The following RPF2 variants were observed in gnomAD, a reference collection of about 807,000 sequenced individuals.
The protein encoded by RPF2 is brix domain containing 1.
A neutral mutation model predicts 38.9 loss-of-function variants in RPF2; 21 were observed. The observed-to-expected ratio is 0.54, with a 90% CI of 0.38 to 0.78. The LOEUF (loss-of-function observed/expected upper bound fraction) is 0.78. RPF2 is among the 30% of genes least tolerant of loss of function. RPF2 has a pLI of 0.00. For missense variants in RPF2, 314 were observed against 358.1 expected, an observed-to-expected ratio of 0.88 and a Z score of 0.99; for synonymous variants, 121 against 126.2, an observed-to-expected ratio of 0.96 and a Z score of 0.28.
rs1408002217 is a variant in RPF2, at chr6:111,028,182, G to C, written c.*2600G>C. 1 of 150,024 alleles carries C rather than the reference G, an allele frequency of 6.7e-6. No individual in the cohort carries two copies. Among genetic ancestry groups the C allele is most frequent in the African/African-American group, 2.5e-5 (1 of 40,696 alleles). The allele number at this position is 150,024 out of a possible 1,614,324, so 9.3% of individuals were successfully genotyped here. On this transcript the variant is annotated 3_prime_UTR_variant, in exon 10 of 10. Coordinates refer to ENST00000441448, the MANE Select transcript of RPF2 (RefSeq NM_032194.3). Reference sequence around the variant, plus strand: ...AAAATTAAGTGCTGTTTGTTTTCTTGGTTATTGAACATAATCCAAAGTAGA... The same window carrying C: ...AAAATTAAGTGCTGTTTGTTTTCTTCGTTATTGAACATAATCCAAAGTAGA...
At chr6:110,994,732 T>C (rs1349629929) in intron 4 of RPF2, among the ~76,000 whole-genome samples, 32 of 101,932 alleles carry the variant, frequency 3.1e-4, no homozygotes, top group African/African-American at 7.3e-4. Flanking sequence ...GATGAGTATA[T>C]ATACACACAC....
rs1484965692 is a variant in RPF2 at position 110,993,390 on chromosome 6, A to G, written c.234+1604A>G. On this transcript the variant is annotated intron_variant, in intron 4 of 9. Transcript: ENST00000441448. ...AAATCAAATAATCTTATTGTAACTAACTGCAGTGAAAATTAAGATAGTATT... is the reference window on the plus strand; with the variant it reads ...AAATCAAATAATCTTATTGTAACTAGCTGCAGTGAAAATTAAGATAGTATT... Among the ~76,000 whole-genome samples the G allele has an allele frequency of 4.6e-5, 7 of 152,282 alleles. No individual in the cohort carries two copies. In the South Asian group the frequency reaches 1.2e-3, roughly 27 times the overall value.
chr6:111,011,176 G>T (rs1772005708), intron 7 of RPF2, among the ~76,000 whole-genome samples: 1 of 151,966 alleles, frequency 6.6e-6, no homozygotes, highest in African/African-American at 2.4e-5. Flanking sequence ...AATCTTTATA[G>T]GTTCTTATCC....
chr6:110,982,197 G>A, intron 1 of RPF2, 68 bp downstream of exon 1: 1 of 1,549,388 alleles, frequency 6.5e-7, no homozygotes. Context: ...GGGTGGTACT[G>A]TCTCGGCCTC....
chr6:111,005,857 G>A (rs1771898494), intron 6 of RPF2, among the ~76,000 whole-genome samples: 1 of 152,128 alleles, frequency 6.6e-6, no homozygotes, highest in African/African-American at 2.4e-5. Flanking sequence ...TGTCGCCCAG[G>A]CTGGAGTGCT....
intron 6 of RPF2, among the ~76,000 whole-genome samples, chr6:111,001,175 T>G (rs1484016398): frequency 6.6e-6 from 1 of 152,200 alleles, no homozygotes; most frequent in East Asian, 1.9e-4. Flanking sequence ...TCTTGGCTAT[T>G]TAGATGACAT....
intron 7 of RPF2, among the ~76,000 whole-genome samples, chr6:111,009,300 C>A (rs144570002): frequency 2.6e-5 from 4 of 152,040 alleles, no homozygotes; most frequent in Admixed American, 2.6e-4. Flanking sequence ...GTGATCCACC[C>A]GCCTCGCCCT....
intron 3 of RPF2, among the ~76,000 whole-genome samples, chr6:110,990,208 G>A (rs1771594838): frequency 6.6e-6 from 1 of 152,154 alleles, no homozygotes; most frequent in Admixed American, 6.5e-5. Flanking sequence ...AAAGTGCTGG[G>A]ATTACAGGCG....
chr6:111,006,103 G>A (rs1255646989), intron 6 of RPF2, among the ~76,000 whole-genome samples: 1 of 151,756 alleles, frequency 6.6e-6, no homozygotes, highest in Non-Finnish European at 1.5e-5. Context: ...ACCGTGCCCA[G>A]CCTGTTTTGT....
chr6:111,016,680 T>TTC (rs1772117591), intron 8 of RPF2, among the ~76,000 whole-genome samples: 2 of 112,284 alleles, frequency 1.8e-5, no homozygotes, highest in African/African-American at 8.1e-5. Context: ...CTTTTTTTTT[T>TTC]TTCTTTCTTT....
intron 6 of RPF2, among the ~76,000 whole-genome samples, chr6:111,005,188 T>C (rs924863336): frequency 1.3e-5 from 2 of 152,188 alleles, no homozygotes; most frequent in African/African-American, 2.4e-5. Flanking sequence ...GGTTTGGAAG[T>C]AGAGAATGTC....
chr6:110,989,611 G>A (rs1771583807), intron 3 of RPF2, among the ~76,000 whole-genome samples: 1 of 150,554 alleles, frequency 6.6e-6, no homozygotes, highest in Admixed American at 6.6e-5. Flanking sequence ...CACCACGCCT[G>A]GCTAATTTTT....
chr6:111,001,740 A>G (rs750174060), intron 6 of RPF2, among the ~76,000 whole-genome samples: 2 of 152,180 alleles, frequency 1.3e-5, no homozygotes, highest in Non-Finnish European at 2.9e-5. Context: ...CACTGCCACT[A>G]GCTTATCACC....
At chr6:111,003,947 G>A (rs1771858846) in intron 6 of RPF2, among the ~76,000 whole-genome samples, 1 of 151,688 alleles carries the variant, frequency 6.6e-6, no homozygotes, top group South Asian at 2.1e-4. Flanking sequence ...CGAGTAGCTG[G>A]GATTACAGGT....
intron 7 of RPF2, among the ~76,000 whole-genome samples, chr6:111,008,732 C>T (rs1412150107): frequency 6.6e-6 from 1 of 152,012 alleles, no homozygotes; most frequent in Non-Finnish European, 1.5e-5. Flanking sequence ...TCTTGATCTC[C>T]TATTGCCTTC....
intron 6 of RPF2, among the ~76,000 whole-genome samples, chr6:111,000,943 A>G (rs911752021): frequency 4.6e-5 from 7 of 152,220 alleles, no homozygotes; most frequent in African/African-American, 1.7e-4. Context: ...AGTTGGAAGT[A>G]TTGTAGCAAA....
At chr6:111,006,609 T>C (rs1304904712) in intron 6 of RPF2, among the ~76,000 whole-genome samples, 1 of 152,072 alleles carries the variant, frequency 6.6e-6, no homozygotes, top group Admixed American at 6.6e-5. Flanking sequence ...AAATTATAAT[T>C]AAACTTATTT....
chr6:110,982,301 A>C, intron 1 of RPF2, 172 bp downstream of exon 1: 1 of 701,322 alleles, frequency 1.4e-6, no homozygotes, highest in East Asian at 2.7e-5. Flanking sequence ...GCCAGGAGAC[A>C]GTGGGGAAGC....
At position 111,028,206 on chromosome 6, in the gene RPF2, G is replaced by A. The variant is rs1562379490; in HGVS notation, c.*2624G>A. ...TGGTTATTGAACATAATCCAAAGTA[G>A]AGATGTTATTACTCAATTCAAGAAA... is the stretch of plus-strand genomic sequence containing the variant. On this transcript the variant is annotated 3_prime_UTR_variant, in exon 10 of 10. Coordinates refer to ENST00000441448, the MANE Select transcript of RPF2 (RefSeq NM_032194.3). 1.3e-5 allele frequency: 2 copies of A among 151,900 alleles called. No homozygotes were observed. 9.4% of individuals were successfully genotyped at this position (151,900 alleles called of 1,614,324 possible). A position where few individuals can be genotyped will look rare whatever the true frequency, so the allele number is the denominator to read the frequency against.
Sources: allele counts gnomAD v4.1 joint callset (sites outside exome capture counted in the v4.1 genomes callset), GRCh38; gene constraint gnomAD v4.1.1; transcripts MANE v1.5; gene names NCBI Gene and HGNC (gene_info 2026-07-23, HGNC 2026-07-21).